Variants in CCDC14 observed in about 807,000 individuals in gnomAD.
The protein encoded by CCDC14 is coiled-coil domain-containing protein 14.
In CCDC14, 71 loss-of-function variants were observed where a neutral mutation model predicts 81.4. The observed-to-expected ratio is 0.87, with a 90% CI of 0.72 to 1.06. The LOEUF (loss-of-function observed/expected upper bound fraction) is 1.06, where lower values mean the gene tolerates loss of function less well. CCDC14 is among the 50% of genes least tolerant of loss of function. The pLI is 0.00. For missense variants in CCDC14, 1,046 were observed against 1,047.3 expected (o/e 1.00, Z 0.02); for synonymous variants, 332 against 364.8 (o/e 0.91, Z 1.03).
chr3:123,913,820 A>G lies in CCDC14; in HGVS notation c.*959T>C, dbSNP rs2034512950. ...TACAAAGTATTAGTGATAACACAACATTCAGCTTCCTAAGAGTTAAAACGT... is the reference window on the plus strand; with the variant it reads ...TACAAAGTATTAGTGATAACACAACGTTCAGCTTCCTAAGAGTTAAAACGT... On this transcript the variant is annotated 3_prime_UTR_variant, in exon 13 of 13. Coordinates refer to ENST00000409697, the MANE Select transcript of CCDC14 (RefSeq NM_001366335.1). 2.0e-6 allele frequency: 2 copies of G among 985,278 alleles called. No homozygotes were observed. The highest frequency in any genetic ancestry group is 1.7e-5 in the African/African-American group (1 of 57,230). The allele number at this position is 985,278 out of a possible 1,614,324, so 61.0% of individuals were successfully genotyped here.
the CCDC14 span, among the ~76,000 whole-genome samples, chr3:123,885,401 G>A: frequency 6.6e-6 from 1 of 151,110 alleles, no homozygotes; most frequent in Non-Finnish European, 1.5e-5. Flanking sequence ...CCACTAACCT[G>A]ACTTTCATGT....
rs73857556 is a variant in CCDC14, at chr3:123,913,432, T to C, written c.*1347A>G. 4.1e-6 allele frequency: 4 copies of C among 980,268 alleles called. No homozygotes were observed. The African/African-American group carries it at 7.0e-5, about 17-fold the overall frequency. 60.7% of individuals were successfully genotyped at this position (980,268 alleles called of 1,614,324 possible). Reference sequence around the variant, plus strand: ...AGACAGATGACACAATTTTTTTCCTTTTTTATTATTTTTTATTTCTGAACT... The same window carrying C: ...AGACAGATGACACAATTTTTTTCCTCTTTTATTATTTTTTATTTCTGAACT... On this transcript the variant is annotated 3_prime_UTR_variant, in exon 13 of 13. Coordinates refer to ENST00000409697, the MANE Select transcript of CCDC14 (RefSeq NM_001366335.1).
chr3:123,902,090 G>A (rs190080538), intron 5 of CCDC14, among the ~76,000 whole-genome samples: 17 of 152,166 alleles, frequency 1.1e-4, no homozygotes, highest in Middle Eastern at 3.4e-3. Context: ...CATCAAAGAA[G>A]TTTAATCCAT....
chr3:123,915,796 A>G, intron 12 of CCDC14, 78 bp from the exon 13 acceptor site: 2 of 1,104,044 alleles, frequency 1.8e-6, no homozygotes, highest in Non-Finnish European at 2.6e-6. Flanking sequence ...CTCCATCTTT[A>G]AAAAAAGGAT....
rs1479991297 is a variant in CCDC14 at position 123,955,878 on chromosome 3, T to C, written c.317A>G (p.Lys106Arg). The C allele has an allele frequency of 1.3e-6, 2 of 1,535,192 alleles. No individual in the cohort carries two copies. The highest frequency in any genetic ancestry group is 1.4e-5 in the African/African-American group (1 of 72,242). The change falls in exon 5 of 13, where the codon AAA becomes AGA. Residue 106 changes from lysine (K) to arginine (R), a missense_variant. Coordinates refer to ENST00000409697, the MANE Select transcript of CCDC14 (RefSeq NM_001366335.1). ...CTGGACTACCAAAGGAATAGTATGT[T>C]TTTCATGTCTTTTCTTTTTTGATCC... ...RYGSKKKRHEKHTIPLVVQKE... is the reference protein window; with the variant it reads ...RYGSKKKRHERHTIPLVVQKE...
intron 12 of CCDC14, among the ~76,000 whole-genome samples, chr3:123,928,737 G>A (rs189863755): frequency 1.1e-4 from 17 of 152,146 alleles, no homozygotes; most frequent in Non-Finnish European, 2.1e-4. Context: ...AAATTATAAC[G>A]TTTACTTAGG....
intron 7 of CCDC14, among the ~76,000 whole-genome samples, chr3:123,947,734 A>G (rs187339548): frequency 6.6e-6 from 1 of 152,230 alleles, no homozygotes; most frequent in African/African-American, 2.4e-5. Context: ...GCTTTAAAAA[A>G]CAAGAATCTT....
chr3:123,938,218 T>C (rs2036162815), intron 9 of CCDC14, among the ~76,000 whole-genome samples: 1 of 151,882 alleles, frequency 6.6e-6, no homozygotes. Context: ...TATACATCAA[T>C]TTGGGGAGAA....
intron 8 of CCDC14, 59 bp from the exon 9 acceptor site, chr3:123,945,049 G>T: frequency 1.7e-6 from 2 of 1,171,888 alleles, no homozygotes; most frequent in Non-Finnish European, 2.4e-6. Context: ...AAGATTATTA[G>T]TATGTATTAC....
chr3:123,919,004 A>G (rs1303688677), intron 12 of CCDC14, among the ~76,000 whole-genome samples: 5 of 151,742 alleles, frequency 3.3e-5, no homozygotes, highest in Non-Finnish European at 7.4e-5. Flanking sequence ...GGAGGCAAGT[A>G]TGCGGTGGCA....
chr3:123,958,039 A>C (rs1268932354), intron 1 of CCDC14: 1 of 152,130 alleles, frequency 6.6e-6, no homozygotes, highest in Non-Finnish European at 1.5e-5. Flanking sequence ...CATTTTTTAA[A>C]AACTGGGTTG....
At chr3:123,931,744 AATT>A (rs1331110447) in intron 10 of CCDC14, among the ~76,000 whole-genome samples, 1 of 152,208 alleles carries the variant, frequency 6.6e-6, no homozygotes, top group Non-Finnish European at 1.5e-5. Context: ...TTTAAGCATT[AATT>A]TTTTAAACCC....
At position 123,925,895 on chromosome 3, in the gene CCDC14, T is replaced by C. The variant is rs550693820; in HGVS notation, c.1778+5207A>G. Reference sequence around the variant, plus strand: ...CCAAAACATCACTGTACCCCATAAATATAGTTAAAATGGTATTAATTTGTC... The same window carrying C: ...CCAAAACATCACTGTACCCCATAAACATAGTTAAAATGGTATTAATTTGTC... On this transcript the variant is annotated intron_variant, in intron 12 of 12. Transcript: ENST00000409697. 3.3e-5 allele frequency among the ~76,000 whole-genome samples: 5 copies of C among 152,272 alleles called. No homozygotes were observed. The East Asian group carries it at 7.7e-4, about 23-fold the overall frequency.
intron 9 of CCDC14, among the ~76,000 whole-genome samples, chr3:123,939,704 TTCAG>T (rs2036250283): frequency 6.6e-6 from 1 of 151,886 alleles, no homozygotes; most frequent in Admixed American, 6.6e-5. Flanking sequence ...CTACCATGCA[TTCAG>T]TCAATTTAAC....
At position 123,915,298 on chromosome 3, in the gene CCDC14, A is replaced by C. The variant is rs1423846055; in HGVS notation, c.2199T>G (p.Pro733=). ...TCTTTTCAGGAGTGCTTCTAGCAAA[A>C]GGAATGTAAATTGTATTATCCAAAT... is the stretch of plus-strand genomic sequence containing the variant. ...EHNLDNTIYI[P]FARSTPEKKS... is the part of the protein sequence containing the mutation. Residue 733 remains proline, a synonymous_variant, in exon 13 of 13, where the codon CCT becomes CCG. Transcript: ENST00000409697. 7 of 1,613,860 alleles carry C rather than the reference A, an allele frequency of 4.3e-6. No individual in the cohort carries two copies. Among genetic ancestry groups the C allele is most frequent in the Non-Finnish European group, 5.9e-6 (7 of 1,179,906 alleles).
Position 123,914,386 on chromosome 3 carries a change from A to C in CCDC14, c.*393T>G. ...AAAAAGTATATGTAAACAGAAAAAAAAAACCCTCTAGTTTCAACAGAAAAA... is the reference window on the plus strand; with the variant it reads ...AAAAAGTATATGTAAACAGAAAAAACAAACCCTCTAGTTTCAACAGAAAAA... On this transcript the variant is annotated 3_prime_UTR_variant, in exon 13 of 13. Transcript: ENST00000409697. 1 of 986,124 alleles carries C rather than the reference A, an allele frequency of 1.0e-6. No homozygotes were observed. The allele number at this position is 986,124 out of a possible 1,614,324, so 61.1% of individuals were successfully genotyped here.
chr3:123,908,303 TCTC>T (rs2034366133), intron 5 of CCDC14, among the ~76,000 whole-genome samples: 2 of 152,270 alleles, frequency 1.3e-5, no homozygotes, highest in Non-Finnish European at 2.9e-5. Context: ...TGAGATCGTA[TCTC>T]CTCATTTGGG....
intron 5 of CCDC14, among the ~76,000 whole-genome samples, chr3:123,898,927 T>C (rs1005877463): frequency 6.0e-5 from 9 of 148,868 alleles, no homozygotes; most frequent in African/African-American, 2.2e-4. Context: ...CTCATGTTGG[T>C]CAGTCTGGTC....
chr3:123,934,270 C>CATA (rs372662547), intron 9 of CCDC14, among the ~76,000 whole-genome samples: 1 of 52,276 alleles, frequency 1.9e-5, no homozygotes, highest in Admixed American at 2.0e-4. Context: ...GACTCTGCCT[C>CATA]AAAAAAAAAA....
Sources: allele counts gnomAD v4.1 joint callset (sites outside exome capture counted in the v4.1 genomes callset), GRCh38; gene constraint gnomAD v4.1.1; transcripts MANE v1.5; gene names NCBI Gene and HGNC (gene_info 2026-07-23, HGNC 2026-07-21).